ZNF385D: variants seen among roughly 807,000 people sequenced by gnomAD.
ZNF385D encodes the protein zinc finger protein 659.
ZNF385D carries 15 observed loss-of-function variants against 35.8 expected under a neutral mutation model. The ratio of observed to expected loss-of-function variants is 0.42; its 90% CI spans 0.28 to 0.64. ZNF385D has a LOEUF of 0.64. ZNF385D is among the 30% of genes least tolerant of loss of function. ZNF385D has a pLI of 0.23. For synonymous variants in ZNF385D, 212 were observed against 186.8 expected, an observed-to-expected ratio of 1.13 and a Z score of -1.10; for missense variants, 474 against 494.6, an observed-to-expected ratio of 0.96 and a Z score of 0.39.
At chr3:22,136,360 C>T (rs1704104368) in intron 3 of ZNF385D, among the ~76,000 whole-genome samples, 1 of 151,050 alleles carries the variant, frequency 6.6e-6, no homozygotes, top group Non-Finnish European at 1.5e-5. Context: ...TTTATTTCCG[C>T]CTGGGCGACA....
intron 2 of ZNF385D, among the ~76,000 whole-genome samples, chr3:21,592,323 T>G (rs1489118109): frequency 1.3e-5 from 2 of 152,150 alleles, no homozygotes; most frequent in Non-Finnish European, 2.9e-5. Context: ...GTATTCCATC[T>G]GTATTCCAAT....
At chr3:21,520,845 T>G (rs1172594058) in intron 3 of ZNF385D, among the ~76,000 whole-genome samples, 2 of 152,210 alleles carry the variant, frequency 1.3e-5, no homozygotes, top group Non-Finnish European at 2.9e-5. Flanking sequence ...ATGCTAGTCC[T>G]TTGTTAACAC....
intron 3 of ZNF385D, among the ~76,000 whole-genome samples, chr3:21,917,249 C>A (rs184864885): frequency 7.7e-4 from 117 of 152,128 alleles, no homozygotes; most frequent in African/African-American, 2.6e-3. Flanking sequence ...CTGGCCAACA[C>A]GGTGAAACCT....
intron 4 of ZNF385D, among the ~76,000 whole-genome samples, chr3:21,447,894 G>A (rs1260727661): frequency 6.6e-6 from 1 of 152,116 alleles, no homozygotes; most frequent in African/African-American, 2.4e-5. Flanking sequence ...CTGTAGAGCT[G>A]TCTTGAAGAT....
intron 2 of ZNF385D, among the ~76,000 whole-genome samples, chr3:22,228,167 C>A (rs994113629): frequency 2.6e-5 from 4 of 152,132 alleles, no homozygotes; most frequent in African/African-American, 9.7e-5. Context: ...AGACGATGAG[C>A]AGAGATGGTG....
intron 2 of ZNF385D, among the ~76,000 whole-genome samples, chr3:22,350,445 C>G (rs1306522316): frequency 6.6e-6 from 1 of 151,922 alleles, no homozygotes; most frequent in Non-Finnish European, 1.5e-5. Context: ...AATATATTGC[C>G]CTATTAATGA....
At chr3:21,967,451 G>A (rs890783625) in intron 3 of ZNF385D, among the ~76,000 whole-genome samples, 5 of 152,240 alleles carry the variant, frequency 3.3e-5, no homozygotes, top group African/African-American at 1.2e-4. Context: ...ATCCTGTTAA[G>A]AATTAAATAT....
chr3:21,697,967 T>C (rs889032959), intron 1 of ZNF385D, among the ~76,000 whole-genome samples: 1 of 152,030 alleles, frequency 6.6e-6, no homozygotes, highest in Admixed American at 6.6e-5. Context: ...GTCATGGATA[T>C]GGAAAAAATG....
At chr3:22,263,418 A>G (rs759222070) in intron 2 of ZNF385D, among the ~76,000 whole-genome samples, 1 of 151,980 alleles carries the variant, frequency 6.6e-6, no homozygotes, top group East Asian at 1.9e-4. Flanking sequence ...TCTTTGCTCA[A>G]AAGTTATTTC....
chr3:21,803,157 T>C (rs1173197843), intron 3 of ZNF385D, among the ~76,000 whole-genome samples: 1 of 152,158 alleles, frequency 6.6e-6, no homozygotes, highest in South Asian at 2.1e-4. Context: ...TCCAGCTCTC[T>C]GTATCTGTCA....
chr3:22,049,811 T>A (rs1159992008), intron 3 of ZNF385D, among the ~76,000 whole-genome samples: 1 of 152,184 alleles, frequency 6.6e-6, no homozygotes, highest in Non-Finnish European at 1.5e-5. Context: ...TGCTGATTTG[T>A]GTATGTTGAG....
At chr3:21,904,514 C>T (rs192818296) in intron 3 of ZNF385D, among the ~76,000 whole-genome samples, 3 of 152,246 alleles carry the variant, frequency 2.0e-5, no homozygotes, top group East Asian at 3.9e-4. Context: ...AGAATGTTCA[C>T]ATCTTTGATT....
intron 3 of ZNF385D, among the ~76,000 whole-genome samples, chr3:21,920,166 A>G (rs1575917123): frequency 1.3e-5 from 2 of 152,174 alleles, no homozygotes; most frequent in East Asian, 1.9e-4. Flanking sequence ...AGATTAAACT[A>G]TGTACCATCT....
intron 3 of ZNF385D, among the ~76,000 whole-genome samples, chr3:22,161,408 A>G (rs534798133): frequency 2.5e-4 from 38 of 152,228 alleles, no homozygotes; most frequent in African/African-American, 9.1e-4. Flanking sequence ...TAACAGCAGA[A>G]AAATAATCTT....
intron 2 of ZNF385D, among the ~76,000 whole-genome samples, chr3:21,630,531 C>T (rs1380802701): frequency 6.6e-6 from 1 of 152,104 alleles, no homozygotes; most frequent in East Asian, 1.9e-4. Flanking sequence ...TTTTCAAAAT[C>T]GTAACTGCAC....
chr3:21,664,777 G>T, intron 2 of ZNF385D, 109 bp downstream of exon 2: 5 of 1,431,896 alleles, frequency 3.5e-6, no homozygotes, highest in Non-Finnish European at 4.9e-6. Flanking sequence ...GACAAACCAT[G>T]CAATGAACAA....
chr3:22,021,069 C>A (rs1323766998), intron 3 of ZNF385D, among the ~76,000 whole-genome samples: 1 of 151,508 alleles, frequency 6.6e-6, no homozygotes, highest in South Asian at 2.1e-4. Flanking sequence ...AAATGTATAC[C>A]CATGGACATA....
intron 2 of ZNF385D, among the ~76,000 whole-genome samples, chr3:22,292,860 C>A (rs968282134): frequency 1.5e-4 from 23 of 152,224 alleles, no homozygotes; most frequent in African/African-American, 5.3e-4. Flanking sequence ...GAATTTTAAG[C>A]AGCAGCTGCT....
At chr3:22,186,199 G>C (rs1695619702) in intron 2 of ZNF385D, among the ~76,000 whole-genome samples, 1 of 152,100 alleles carries the variant, frequency 6.6e-6, no homozygotes, top group Admixed American at 6.6e-5. Flanking sequence ...AAAGGTCTCT[G>C]AAGAATTAAT....
Sources: allele counts gnomAD v4.1 joint callset (sites outside exome capture counted in the v4.1 genomes callset), GRCh38; gene constraint gnomAD v4.1.1; transcripts MANE v1.5; gene names NCBI Gene and HGNC (gene_info 2026-07-23, HGNC 2026-07-21).